Variants in ITPK1 observed in about 807,000 individuals in gnomAD.
The protein encoded by ITPK1 is inositol 1,3,4-trisphosphate 5/6-kinase.
In ITPK1, 21 loss-of-function variants were observed where a neutral mutation model predicts 45.3. That is an observed-to-expected ratio of 0.46 (90% confidence interval 0.33 to 0.67). The LOEUF is 0.67. Among genes scored for constraint, ITPK1 ranks in the 30% least tolerant of loss-of-function variants. ITPK1 has a pLI of 0.02. For missense variants in ITPK1, 474 were observed against 573.5 expected (o/e 0.83, Z 1.77); for synonymous variants, 258 against 253.6 (o/e 1.02, Z -0.16).
intron 3 of ITPK1, among the ~76,000 whole-genome samples, chr14:93,037,890 T>G (rs7142188): frequency 0.027 from 4,176 of 152,316 alleles, 96 homozygotes; most frequent in Admixed American, 0.085. Flanking sequence ...ATCGAAAAAT[T>G]TTAACTTAAT....
intron 3 of ITPK1, chr14:93,066,320 ATGTGTGTGTGTGTGTG>A (rs755050138): frequency 4.8e-6 from 2 of 420,500 alleles, no homozygotes; most frequent in East Asian, 1.5e-4. Flanking sequence ...GTGTGTGTGT[ATGTGTGTGTGTGTGTG>A]TGTGTAGGGG....
chr14:92,986,046 G>A (rs555664620), intron 5 of ITPK1, among the ~76,000 whole-genome samples: 1 of 152,306 alleles, frequency 6.6e-6, no homozygotes, highest in South Asian at 2.1e-4. Context: ...CCCCTGCAGA[G>A]ATGTGGGTCC....
At chr14:93,049,260 T>C (rs543670194) in intron 3 of ITPK1, among the ~76,000 whole-genome samples, 1 of 152,164 alleles carries the variant, frequency 6.6e-6, no homozygotes, top group African/African-American at 2.4e-5. Flanking sequence ...GAATCCTGTG[T>C]GGAAGGCCTC....
Position 92,962,301 on chromosome 14 carries a change from G to A in ITPK1, c.504+54C>T, listed in dbSNP as rs1236707589. ...ATCCGGCAGGGTAGCAGTGAGACAC[G>A]ATGAGCTGAAAGGATGGGGGTCAGG... On this transcript the variant is annotated intron_variant, in intron 7 of 10. Coordinates refer to ENST00000267615, the MANE Select transcript of ITPK1 (RefSeq NM_014216.6). 1.1e-5 allele frequency: 14 copies of A among 1,322,986 alleles called. No individual in the cohort carries two copies. In the Admixed American group the frequency reaches 2.0e-4, roughly 19 times the overall value. 82.0% of individuals were successfully genotyped at this position (1,322,986 alleles called of 1,614,324 possible).
intron 3 of ITPK1, among the ~76,000 whole-genome samples, chr14:93,019,133 G>T (rs1182938257): frequency 6.6e-6 from 1 of 152,212 alleles, no homozygotes; most frequent in Non-Finnish European, 1.5e-5. Context: ...GGCTTCGGTG[G>T]GTCAGGCACC....
intron 3 of ITPK1, among the ~76,000 whole-genome samples, chr14:93,053,842 G>A (rs369282849): frequency 8.5e-5 from 13 of 152,346 alleles, no homozygotes; most frequent in Admixed American, 5.9e-4. Context: ...CCAGGTGACT[G>A]TGATTCCAGT....
At chr14:93,077,626 C>T (rs1891279585) in intron 2 of ITPK1, among the ~76,000 whole-genome samples, 4 of 152,216 alleles carry the variant, frequency 2.6e-5, no homozygotes, top group Admixed American at 2.6e-4. Context: ...CCTCCCCCAT[C>T]CCACATTTCT....
At chr14:93,104,395 G>A (rs1892441948) in intron 2 of ITPK1, among the ~76,000 whole-genome samples, 1 of 151,874 alleles carries the variant, frequency 6.6e-6, no homozygotes. Context: ...AGGCTGAGGT[G>A]GAGGTTGCAG....
At chr14:92,990,177 T>C (rs765053003) in intron 5 of ITPK1, among the ~76,000 whole-genome samples, 5 of 152,246 alleles carry the variant, frequency 3.3e-5, no homozygotes, top group Admixed American at 6.5e-5. Flanking sequence ...TGACTAATTC[T>C]GGCCAAAGTC....
intron 3 of ITPK1, among the ~76,000 whole-genome samples, chr14:93,060,902 G>A (rs1890490792): frequency 6.6e-6 from 1 of 152,190 alleles, no homozygotes; most frequent in Admixed American, 6.5e-5. Context: ...ATGAGAACTA[G>A]GAAGATAAAA....
intron 5 of ITPK1, among the ~76,000 whole-genome samples, chr14:92,991,021 C>CA (rs1178328868): frequency 6.7e-6 from 1 of 150,124 alleles, no homozygotes; most frequent in Non-Finnish European, 1.5e-5. Flanking sequence ...GGGGGGGTGA[C>CA]AACCGGGGCA....
At chr14:93,031,219 G>A (rs1889035873) in intron 3 of ITPK1, among the ~76,000 whole-genome samples, 2 of 152,098 alleles carry the variant, frequency 1.3e-5, no homozygotes, top group African/African-American at 2.4e-5. Context: ...TCTGAACTAA[G>A]AAGAAGGCAA....
chr14:93,022,416 G>A (rs753034502), intron 3 of ITPK1, among the ~76,000 whole-genome samples: 1 of 152,206 alleles, frequency 6.6e-6, no homozygotes, highest in African/African-American at 2.4e-5. Flanking sequence ...GGGCACAGTG[G>A]GGCACACTTG....
chr14:93,050,754 C>G (rs1286143347), intron 3 of ITPK1, among the ~76,000 whole-genome samples: 1 of 151,896 alleles, frequency 6.6e-6, no homozygotes, highest in Non-Finnish European at 1.5e-5. Flanking sequence ...GTCACGGGAC[C>G]TCAGTGACCC....
In ITPK1 at chr14:93,063,510, T is replaced by C. The variant is rs1301101014; in HGVS notation, c.120+13085A>G. Among the ~76,000 whole-genome samples, 3 of 152,086 alleles carry C rather than the reference T, an allele frequency of 2.0e-5. No homozygotes were observed. Among genetic ancestry groups the C allele is most frequent in the Non-Finnish European group, 4.4e-5 (3 of 68,014 alleles). On this transcript the variant is annotated intron_variant, in intron 3 of 10. Transcript: ENST00000267615. The surrounding 1 kb of genome is among the most constrained non-coding windows in gnomAD (Gnocchi z 4.3). Reference sequence around the variant, plus strand: ...CACGCTTCTCCTACGAGGGCCTGAGTTTTAGAAGGCCTTCTCACTTGCCCT... The same window carrying C: ...CACGCTTCTCCTACGAGGGCCTGAGCTTTAGAAGGCCTTCTCACTTGCCCT...
chr14:93,018,765 G>A (rs1305950262), intron 3 of ITPK1, among the ~76,000 whole-genome samples: 1 of 152,174 alleles, frequency 6.6e-6, no homozygotes, highest in Non-Finnish European at 1.5e-5. Context: ...CAGGGGCCGG[G>A]GAAGACGCTC....
intron 3 of ITPK1, among the ~76,000 whole-genome samples, chr14:93,041,030 C>A (rs1027442056): frequency 2.0e-5 from 3 of 152,204 alleles, no homozygotes; most frequent in Non-Finnish European, 2.9e-5. Flanking sequence ...CCCATCAATA[C>A]AGAGTGTGGG....
At chr14:93,096,863 C>T (rs1256058403) in intron 2 of ITPK1, among the ~76,000 whole-genome samples, 2 of 152,192 alleles carry the variant, frequency 1.3e-5, no homozygotes, top group Admixed American at 6.5e-5. Context: ...AATCCAGGAA[C>T]AAAACTTCCC....
chr14:93,020,098 C>T (rs1236759484), intron 3 of ITPK1, among the ~76,000 whole-genome samples: 1 of 152,150 alleles, frequency 6.6e-6, no homozygotes, highest in East Asian at 1.9e-4. Flanking sequence ...CTGTGTGGCG[C>T]TTGGAGTTCA....
Sources: gnomAD v4.1 joint callset for allele counts (sites outside exome capture counted in the v4.1 genomes callset) on GRCh38, gnomAD v4.1.1 for gene constraint, Gnocchi (gnomAD v3.1) non-coding constraint, MANE v1.5 for transcripts, NCBI Gene and HGNC (gene_info 2026-07-23, HGNC 2026-07-21) for gene names.